The following PUM3 variants were observed in gnomAD, a reference collection of about 807,000 sequenced individuals.
The protein encoded by PUM3 is pumilio RNA binding family member 3.
A neutral mutation model predicts 84.0 loss-of-function variants in PUM3; 91 were observed. That is an observed-to-expected ratio of 1.08 (90% CI 0.91 to 1.29). PUM3 has a LOEUF of 1.29. Among genes scored for constraint, PUM3 ranks in the 50% most tolerant of loss-of-function variants. The probability of loss-of-function intolerance (pLI) is 0.00; values close to 1 mark genes in which losing one functional copy is unlikely to be tolerated. For missense variants in PUM3, 1,067 were observed against 767.5 expected (o/e 1.39, Z -4.61); for synonymous variants, 321 against 266.7 (o/e 1.20, Z -1.98).
intron 12 of PUM3, among the ~76,000 whole-genome samples, chr9:2,822,839 A>T (rs1051046578): frequency 6.6e-6 from 1 of 150,870 alleles, no homozygotes; most frequent in Non-Finnish European, 1.5e-5. Context: ...TGAGAATTCC[A>T]TATTTCACTT....
chr9:2,829,296 T>C (rs893417220), intron 8 of PUM3, among the ~76,000 whole-genome samples: 1 of 152,226 alleles, frequency 6.6e-6, no homozygotes, highest in Non-Finnish European at 1.5e-5. Context: ...TATTCTCAGA[T>C]TCAATCCCTG....
Position 2,820,056 on chromosome 9 carries a change from T to A in PUM3, c.1231A>T (p.Ile411Phe). The change falls in exon 13 of 18, where the codon ATT (isoleucine) becomes TTT (phenylalanine). Residue 411 changes from isoleucine to phenylalanine, a missense_variant. Physicochemically the swap from Ile to Phe is conservative, Grantham distance 21. Transcript: ENST00000397885. ...TGCTTCACAAGCTTAGTATCATCAA[T>A]ACAATCAAATGCCGCCAGTAAAACC... ...HLVLLAAFDC[I>F]DDTKLVKQII... is the part of the protein sequence containing the mutation. The A allele has an allele frequency of 6.2e-7, 1 of 1,612,936 alleles. No individual in the cohort carries two copies. The highest frequency in any genetic ancestry group is 8.5e-7 in the Non-Finnish European group (1 of 1,179,102).
At chr9:2,831,582 A>G (rs1815982987) in intron 5 of PUM3, among the ~76,000 whole-genome samples, 1 of 152,170 alleles carries the variant, frequency 6.6e-6, no homozygotes, top group African/African-American at 2.4e-5. Flanking sequence ...AAATTTAACC[A>G]TTTTGCAAGA....
In PUM3 at chr9:2,831,017, CA is replaced by C; in HGVS notation, c.621del (p.Glu208SerfsTer2). Reference sequence around the variant, plus strand: ...CTCGAATATTTGGCTTTACTTAACTCAACCAAATCATCTGAAAAACAAAAAT... The same window carrying C: ...CTCGAATATTTGGCTTTACTTAACTCACCAAATCATCTGAAAAACAAAAAT... The part of the protein sequence containing the change: ...QAFEELRDDL[V>X]ELSKAKYSRN... On this transcript the variant is annotated frameshift_variant, in exon 7 of 18. Transcript: ENST00000397885. LOFTEE classifies it high-confidence loss of function. 1 of 1,487,314 alleles carries C rather than the reference CA, an allele frequency of 6.7e-7. No individual in the cohort carries two copies. The highest frequency in any genetic ancestry group is 9.3e-7 in the Non-Finnish European group (1 of 1,071,776). The allele number at this position is 1,487,314 out of a possible 1,614,324, so 92.1% of individuals were successfully genotyped here.
intron 13 of PUM3, among the ~76,000 whole-genome samples, chr9:2,814,920 A>G (rs1821441884): frequency 6.6e-6 from 1 of 152,156 alleles, no homozygotes. Context: ...TGAAGCCGGC[A>G]ATGTATTCCT....
chr9:2,838,753 C>T (rs1325733972), intron 1 of PUM3, among the ~76,000 whole-genome samples: 2 of 152,122 alleles, frequency 1.3e-5, no homozygotes, highest in Non-Finnish European at 2.9e-5. Context: ...ACACCCTGGC[C>T]AGTGTTTGAT....
chr9:2,814,928 C>T (rs1017791315), intron 13 of PUM3, among the ~76,000 whole-genome samples: 12 of 152,084 alleles, frequency 7.9e-5, no homozygotes, highest in Non-Finnish European at 1.5e-4. Context: ...GCAATGTATT[C>T]CTCAATACAC....
At chr9:2,810,074 G>C (rs1055750029) in intron 16 of PUM3, among the ~76,000 whole-genome samples, 9 of 145,602 alleles carry the variant, frequency 6.2e-5, no homozygotes, top group Admixed American at 1.4e-4. Context: ...CAGCAGCACA[G>C]GAAGGAAAAC....
At chr9:2,831,898 A>C (rs1815992364) in intron 5 of PUM3, among the ~76,000 whole-genome samples, 1 of 152,152 alleles carries the variant, frequency 6.6e-6, no homozygotes, top group African/African-American at 2.4e-5. Flanking sequence ...TCCTGCACAT[A>C]TATCCAGTTA....
intron 13 of PUM3, among the ~76,000 whole-genome samples, chr9:2,814,369 C>A (rs1821430800): frequency 6.6e-6 from 1 of 152,086 alleles, no homozygotes; most frequent in Admixed American, 6.6e-5. Context: ...CACTATGACA[C>A]CCAGCTTATT....
chr9:2,831,955 T>G (rs747271513), intron 5 of PUM3, among the ~76,000 whole-genome samples: 1 of 152,200 alleles, frequency 6.6e-6, no homozygotes, highest in Non-Finnish European at 1.5e-5. Flanking sequence ...CTCTAACCCA[T>G]TCCTCCTCAT....
intron 14 of PUM3, 77 bp from the exon 15 acceptor site, chr9:2,811,660 C>CT (rs1821377486): frequency 9.8e-7 from 1 of 1,023,814 alleles, no homozygotes; most frequent in Non-Finnish European, 1.5e-6. Flanking sequence ...ACAAAAACCT[C>CT]TAAGAGCTTA....
chr9:2,819,007 G>A (rs576235467), intron 13 of PUM3, among the ~76,000 whole-genome samples: 1 of 152,248 alleles, frequency 6.6e-6, no homozygotes, highest in Admixed American at 6.5e-5. Context: ...AGTACCACAT[G>A]TCATCACTAA....
At chr9:2,810,236 C>T (rs1821337570) in intron 16 of PUM3, 108 bp downstream of exon 16, 9 of 718,432 alleles carry the variant, frequency 1.3e-5, no homozygotes, top group South Asian at 6.4e-5. Context: ...TTTCTAGACA[C>T]TTGGCAAACT....
At chr9:2,837,815 T>A (rs916722969) in intron 2 of PUM3, among the ~76,000 whole-genome samples, 2 of 152,174 alleles carry the variant, frequency 1.3e-5, no homozygotes, top group African/African-American at 4.8e-5. Flanking sequence ...TTCTTGAACA[T>A]TCTTGAAATT....
chr9:2,842,358 C>T (rs1670588989), intron 1 of PUM3, among the ~76,000 whole-genome samples: 1 of 152,148 alleles, frequency 6.6e-6, no homozygotes, highest in South Asian at 2.1e-4. Context: ...GCTCCAATAG[C>T]TTCAAAGCTT....
chr9:2,807,246 TG>T (rs1362889239), intron 17 of PUM3, among the ~76,000 whole-genome samples: 1 of 150,848 alleles, frequency 6.6e-6, no homozygotes, highest in Non-Finnish European at 1.5e-5. Flanking sequence ...ACCATAAATG[TG>T]GTGAAGCCAC....
intron 5 of PUM3, among the ~76,000 whole-genome samples, chr9:2,831,793 A>G (rs1229787362): frequency 6.6e-6 from 1 of 152,230 alleles, no homozygotes; most frequent in African/African-American, 2.4e-5. Context: ...AGATCAATCT[A>G]AAAGTCTTCC....
At chr9:2,818,209 G>A (rs918044147) in intron 13 of PUM3, among the ~76,000 whole-genome samples, 3 of 152,210 alleles carry the variant, frequency 2.0e-5, no homozygotes, top group South Asian at 2.1e-4. Flanking sequence ...ATTTTATCAC[G>A]AGCTACACAG....
Sources: allele counts gnomAD v4.1 joint callset (sites outside exome capture counted in the v4.1 genomes callset), GRCh38; gene constraint gnomAD v4.1.1; transcripts MANE v1.5; gene names NCBI Gene and HGNC (gene_info 2026-07-23, HGNC 2026-07-21).